CNTN1: variants seen among roughly 807,000 people sequenced by gnomAD.
CNTN1 encodes contactin 1, also known as contactin-1.
Under a neutral mutation model 126.4 loss-of-function variants are expected in CNTN1, and 38 were observed. That is an observed-to-expected ratio of 0.30 (90% CI 0.23 to 0.39). CNTN1 has a LOEUF of 0.39. Among genes scored for constraint, CNTN1 ranks in the 10% least tolerant of loss-of-function variants. The pLI is 1.00. For synonymous variants in CNTN1, 413 were observed against 422.6 expected (o/e 0.98, Z 0.28); for missense variants, 1,009 against 1,248.4 (o/e 0.81, Z 2.89).
intron 1 of CNTN1, among the ~76,000 whole-genome samples, chr12:40,752,415 G>T (rs1240727544): frequency 6.6e-6 from 1 of 152,058 alleles, no homozygotes; most frequent in South Asian, 2.1e-4. Context: ...AACCCTTAAT[G>T]AATGTCGATT....
intron 15 of CNTN1, among the ~76,000 whole-genome samples, chr12:40,959,992 A>G (rs1018025857): frequency 1.2e-4 from 18 of 152,220 alleles, no homozygotes; most frequent in African/African-American, 3.6e-4. Context: ...CTTCCATGTC[A>G]GTTGCTTTAT....
intron 1 of CNTN1, among the ~76,000 whole-genome samples, chr12:40,750,715 A>G (rs779551820): frequency 6.6e-6 from 1 of 152,078 alleles, no homozygotes; most frequent in Non-Finnish European, 1.5e-5. Context: ...GAAAAATGCT[A>G]CTAAGGGAAG....
At chr12:41,020,634 G>C (rs1774407595) in intron 20 of CNTN1, among the ~76,000 whole-genome samples, 194 bp downstream of exon 20, 1 of 151,974 alleles carries the variant, frequency 6.6e-6, no homozygotes. Context: ...GCCTATCTAG[G>C]GGAGATGTAA....
chr12:40,843,141 T>G (rs1344352925), intron 1 of CNTN1, among the ~76,000 whole-genome samples: 1 of 152,146 alleles, frequency 6.6e-6, no homozygotes, highest in Non-Finnish European at 1.5e-5. Flanking sequence ...ACATACCTGA[T>G]CCTAAGTCTA....
intron 1 of CNTN1, among the ~76,000 whole-genome samples, chr12:40,734,374 G>T (rs190468598): frequency 1.8e-4 from 28 of 152,186 alleles, no homozygotes; most frequent in Admixed American, 5.9e-4. Context: ...AATGGTAAGG[G>T]TTAAGTGGTG....
chr12:40,810,775 G>T (rs1941031639), intron 1 of CNTN1, among the ~76,000 whole-genome samples: 1 of 152,064 alleles, frequency 6.6e-6, no homozygotes, highest in Admixed American at 6.6e-5. Context: ...TCAGACCTTT[G>T]GGAGGCTAAG....
intron 1 of CNTN1, among the ~76,000 whole-genome samples, chr12:40,897,134 G>C (rs766293144): frequency 6.6e-6 from 1 of 152,196 alleles, no homozygotes; most frequent in African/African-American, 2.4e-5. Flanking sequence ...ATTGTTGAAT[G>C]AATGATGAAA....
chr12:40,929,654 C>A (rs999985504), intron 6 of CNTN1, 142 bp from the exon 7 acceptor site: 1 of 676,640 alleles, frequency 1.5e-6, no homozygotes, highest in Admixed American at 2.2e-5. Flanking sequence ...AAAGTGTGCA[C>A]TGTTTGTCTT....
chr12:40,773,654 TACAC>T (rs1375061698), intron 1 of CNTN1, among the ~76,000 whole-genome samples: 867 of 5,004 alleles, frequency 0.17, 24 homozygotes, highest in Middle Eastern at 0.5. Context: ...TATATATATA[TACAC>T]ATATATATAT....
chr12:41,034,102 A>T (rs1949205187), intron 23 of CNTN1, among the ~76,000 whole-genome samples: 1 of 152,138 alleles, frequency 6.6e-6, no homozygotes, highest in Non-Finnish European at 1.5e-5. Context: ...AACTGGAAAG[A>T]AGGCAGTGGT....
intron 1 of CNTN1, among the ~76,000 whole-genome samples, chr12:40,739,428 A>G (rs1259328017): frequency 1.3e-5 from 2 of 152,124 alleles, no homozygotes; most frequent in Non-Finnish European, 2.9e-5. Flanking sequence ...AGAATGATTA[A>G]AAAACAATTT....
At chr12:40,756,128 G>A (rs1304592370) in intron 1 of CNTN1, among the ~76,000 whole-genome samples, 2 of 152,084 alleles carry the variant, frequency 1.3e-5, no homozygotes, top group Non-Finnish European at 2.9e-5. Flanking sequence ...GAGCAAGGGA[G>A]TTTTATATAA....
chr12:41,022,841 C>T (rs529799634), intron 20 of CNTN1, among the ~76,000 whole-genome samples: 41 of 152,254 alleles, frequency 2.7e-4, no homozygotes, highest in African/African-American at 8.2e-4. Flanking sequence ...CTCCAGAGAA[C>T]GGTTGATTAA....
chr12:40,873,082 T>G (rs190875946), intron 1 of CNTN1, among the ~76,000 whole-genome samples: 116 of 152,214 alleles, frequency 7.6e-4, no homozygotes, highest in Non-Finnish European at 8.4e-4. Flanking sequence ...ATTTTAGTAG[T>G]TAGTAACCCA....
chr12:40,948,142 G>GAGAGT (rs936676186), intron 14 of CNTN1, among the ~76,000 whole-genome samples: 1 of 151,826 alleles, frequency 6.6e-6, no homozygotes, highest in Non-Finnish European at 1.5e-5. Flanking sequence ...CACAGCATCT[G>GAGAGT]AGAGTATTGG....
In CNTN1 at chr12:40,994,063, TCTA is replaced by T. The variant is rs551424449; in HGVS notation, c.2113+797_2113+799del. Among the ~76,000 whole-genome samples, 21 of 152,258 alleles carry T rather than the reference TCTA, an allele frequency of 1.4e-4. No homozygotes were observed. The East Asian group carries it at 2.1e-3, about 15-fold the overall frequency. ...TTAAAAAATATTTAATGTTGTCACT[TCTA>T]CTTTGAGATTAAAAAATAATTTAAG... On this transcript the variant is annotated intron_variant, in intron 17 of 23. Transcript: ENST00000551295.
intron 3 of CNTN1, among the ~76,000 whole-genome samples, chr12:40,916,036 C>T (rs912381654): frequency 2.6e-5 from 4 of 152,060 alleles, no homozygotes; most frequent in African/African-American, 4.8e-5. Context: ...CTAGGCTTGT[C>T]GCATAAATAT....
chr12:40,731,054 T>A (rs1942487739), intron 1 of CNTN1, among the ~76,000 whole-genome samples: 1 of 151,816 alleles, frequency 6.6e-6, no homozygotes, highest in South Asian at 2.1e-4. Flanking sequence ...AAATATATAC[T>A]TGAGGAGAGT....
intron 12 of CNTN1, 93 bp from the exon 13 acceptor site, chr12:40,943,504 A>G (rs2136950281): frequency 1.0e-6 from 1 of 964,164 alleles, no homozygotes; most frequent in East Asian, 2.6e-5. Context: ...ATAGAATGTA[A>G]TAATTGAAAA....
Sources: gnomAD v4.1 joint callset for allele counts (sites outside exome capture counted in the v4.1 genomes callset) on GRCh38, gnomAD v4.1.1 for gene constraint, MANE v1.5 for transcripts, NCBI Gene and HGNC (gene_info 2026-07-23, HGNC 2026-07-21) for gene names.